Variants in LMBR1 observed in about 807,000 individuals in gnomAD.
LMBR1 encodes limb region 1 protein homolog.
In LMBR1, 52 loss-of-function variants were observed where a neutral mutation model predicts 73.9. The ratio of observed to expected loss-of-function variants is 0.70; its 90% CI spans 0.56 to 0.89. The LOEUF (loss-of-function observed/expected upper bound fraction) is 0.89. Among genes scored for constraint, LMBR1 ranks in the 40% least tolerant of loss-of-function variants. LMBR1 has a pLI of 0.00. For missense variants in LMBR1, 539 were observed against 579.8 expected (o/e 0.93, Z 0.72); for synonymous variants, 215 against 209.4 (o/e 1.03, Z -0.23).
Position 156,712,771 on chromosome 7 carries a change from T to C in LMBR1, c.1225+11341A>G, listed in dbSNP as rs1311408188. ...AAGTCAGATACAGAAAGACAAATGC[T>C]GTATGTTCTCAATTATAGATGGGAG... On this transcript the variant is annotated intron_variant, in intron 15 of 16. Coordinates refer to ENST00000353442, the MANE Select transcript of LMBR1 (RefSeq NM_022458.4). Among the ~76,000 whole-genome samples, 4 of 152,328 alleles carry C rather than the reference T, an allele frequency of 2.6e-5. No individual in the cohort carries two copies. In the East Asian group the frequency reaches 7.7e-4, roughly 29 times the overall value.
intron 9 of LMBR1, among the ~76,000 whole-genome samples, chr7:156,735,424 T>C (rs958712941): frequency 6.6e-6 from 1 of 152,028 alleles, no homozygotes; most frequent in African/African-American, 2.4e-5. Flanking sequence ...ATTCCTGTTT[T>C]CTGCTTGTTT....
At chr7:156,876,559 G>GT (rs1346935481) in intron 1 of LMBR1, among the ~76,000 whole-genome samples, 1 of 152,074 alleles carries the variant, frequency 6.6e-6, no homozygotes, top group African/African-American at 2.4e-5. Context: ...AAGACAGACC[G>GT]TATGATAGGA....
intron 4 of LMBR1, among the ~76,000 whole-genome samples, chr7:156,808,082 T>C (rs904829073): frequency 6.6e-6 from 1 of 152,154 alleles, no homozygotes; most frequent in Non-Finnish European, 1.5e-5. Context: ...GAAAAGAATA[T>C]GTATTCTATT....
rs1563223351 is a variant in LMBR1 at position 156,727,938 on chromosome 7, C to T, written c.985G>A (p.Gly329Arg). The stretch of plus-strand genomic sequence containing the variant: ...AAAGGATTTTACTTTACCCTTGTTC[C>T]TTTTGGCATTGCTGTTTCATCAACC... ...LLVDETAMPK[G>R]TRGPGIGNAS... The change falls in exon 12 of 17, where the codon GGA (glycine) becomes AGA (arginine). Residue 329 changes from glycine (G) to arginine (R), a missense_variant. This residue lies in a region of LMBR1 where 454 missense variants were observed against 473.4 expected (regional missense o/e 0.96). Coordinates refer to ENST00000353442, the MANE Select transcript of LMBR1 (RefSeq NM_022458.4). The T allele has an allele frequency of 6.2e-7, 1 of 1,611,780 alleles. No individual in the cohort carries two copies. The highest frequency in any genetic ancestry group is 1.1e-5 in the South Asian group (1 of 90,918).
chr7:156,769,480 G>A (rs1824774950), intron 5 of LMBR1, among the ~76,000 whole-genome samples: 1 of 152,174 alleles, frequency 6.6e-6, no homozygotes, highest in African/African-American at 2.4e-5. Flanking sequence ...CACCAGATCT[G>A]AAGGTCTTTT....
At chr7:156,675,196 T>C (rs1181858415), downstream of LMBR1, among the ~76,000 whole-genome samples, 2 of 151,986 alleles carry the variant, frequency 1.3e-5, no homozygotes, top group Non-Finnish European at 2.9e-5. Context: ...CTATGCTAGG[T>C]TGGATGAGGA....
At chr7:156,803,332 G>A (rs890358866) in intron 4 of LMBR1, among the ~76,000 whole-genome samples, 7 of 151,670 alleles carry the variant, frequency 4.6e-5, no homozygotes, top group African/African-American at 1.7e-4. Flanking sequence ...CCATCAAAAA[G>A]TGGGCGAAGG....
chr7:156,763,188 A>G lies in LMBR1; in HGVS notation c.551-12T>C. On this transcript the variant is annotated splice_polypyrimidine_tract_variant and intron_variant, in intron 6 of 16. Transcript: ENST00000353442. The stretch of plus-strand genomic sequence containing the variant: ...GAACTCCCAGAGATCTATTAAAAAA[A>G]AGTAAATATATTTTAATAAATCCAA... 5 of 1,168,270 alleles carry G rather than the reference A, an allele frequency of 4.3e-6. No individual in the cohort carries two copies. Among genetic ancestry groups the G allele is most frequent in the Non-Finnish European group, 6.1e-6 (5 of 814,164 alleles). The allele number at this position is 1,168,270 out of a possible 1,614,324, so 72.4% of individuals were successfully genotyped here. A position where few individuals can be genotyped will look rare whatever the true frequency, so the allele number is the denominator to read the frequency against.
At chr7:156,750,280 G>A (rs1297566489) in intron 9 of LMBR1, among the ~76,000 whole-genome samples, 1 of 147,260 alleles carries the variant, frequency 6.8e-6, no homozygotes, top group Non-Finnish European at 1.5e-5. Flanking sequence ...CATGTTAAGT[G>A]TGCGTGTGTG....
chr7:156,838,469 G>C (rs766264832), intron 1 of LMBR1, among the ~76,000 whole-genome samples: 1 of 152,100 alleles, frequency 6.6e-6, no homozygotes, highest in Non-Finnish European at 1.5e-5. Context: ...TGAAGTATTT[G>C]TCTTTCTGTG....
intron 1 of LMBR1, among the ~76,000 whole-genome samples, chr7:156,869,816 G>A (rs1799000580): frequency 6.6e-6 from 1 of 152,162 alleles, no homozygotes; most frequent in African/African-American, 2.4e-5. Context: ...GATATTCCAT[G>A]CAAATAGTAA....
chr7:156,892,846 CGGGGACCG>C, intron 1 of LMBR1, 74 bp downstream of exon 1: 1 of 685,688 alleles, frequency 1.5e-6, no homozygotes, highest in Non-Finnish European at 1.9e-6. Context: ...GTGAGGGGTC[CGGGGACCG>C]GGGGCCCGGG....
At chr7:156,867,520 C>A (rs1317829462) in intron 1 of LMBR1, among the ~76,000 whole-genome samples, 1 of 152,164 alleles carries the variant, frequency 6.6e-6, no homozygotes, top group Non-Finnish European at 1.5e-5. Flanking sequence ...AGGTCCATCA[C>A]CTGATGAATA....
At chr7:156,871,751 G>A (rs1799320615) in intron 1 of LMBR1, among the ~76,000 whole-genome samples, 1 of 152,114 alleles carries the variant, frequency 6.6e-6, no homozygotes, top group Non-Finnish European at 1.5e-5. Flanking sequence ...CCCTTTCATG[G>A]TAAAAACTGT....
At chr7:156,817,702 A>G (rs1834142884) in intron 4 of LMBR1, among the ~76,000 whole-genome samples, 1 of 152,212 alleles carries the variant, frequency 6.6e-6, no homozygotes, top group Non-Finnish European at 1.5e-5. Context: ...CACCAAATGC[A>G]ATGTAAATAC....
intron 3 of LMBR1, among the ~76,000 whole-genome samples, chr7:156,829,052 C>T (rs1586079611): frequency 6.6e-6 from 1 of 152,140 alleles, no homozygotes; most frequent in Non-Finnish European, 1.5e-5. Context: ...AAAAATCAAA[C>T]GTTTAGCCAA....
rs10234525 is a variant in LMBR1 at position 156,684,370 on chromosome 7, A to G, written c.1388-207T>C. 0.17 allele frequency among the ~76,000 whole-genome samples: 26,238 copies of G among 152,052 alleles called. 2,793 individuals carry two copies. The highest frequency in any genetic ancestry group is 0.31 in the African/African-American group (12,717 of 41,424). On this transcript the variant is annotated intron_variant, in intron 16 of 16. Transcript: ENST00000353442. ...ATGGCCTAAGCTGAAGACTGCTGCA[A>G]GGCGGAAGTCCTGCCCCTTCCAGGA...
chr7:156,689,725 G>A (rs1398327009), intron 15 of LMBR1, among the ~76,000 whole-genome samples: 6 of 152,122 alleles, frequency 3.9e-5, no homozygotes, highest in Non-Finnish European at 8.8e-5. Context: ...GACACCAGAA[G>A]AGTACACAGC....
In LMBR1 at chr7:156,680,607, A is replaced by G. The variant is rs1210256077; in HGVS notation, c.*3471T>C. The G allele has an allele frequency of 6.5e-6, 1 of 153,078 alleles. No individual in the cohort carries two copies. Among genetic ancestry groups the G allele is most frequent in the African/African-American group, 2.4e-5 (1 of 41,462 alleles). 9.5% of individuals were successfully genotyped at this position (153,078 alleles called of 1,614,324 possible). A position where few individuals can be genotyped will look rare whatever the true frequency, so the allele number is the denominator to read the frequency against. On this transcript the variant is annotated 3_prime_UTR_variant, in exon 17 of 17. Transcript: ENST00000353442. The stretch of plus-strand genomic sequence containing the variant: ...GGAAAAAATTAGAGAAATCAAGTCT[A>G]AATAATTCAAGTAATTAAATAAAAT...
Sources: gnomAD v4.1 joint callset for allele counts (sites outside exome capture counted in the v4.1 genomes callset) on GRCh38, gnomAD v4.1.1 for gene constraint, gnomAD v4.1.1 regional missense constraint, MANE v1.5 for transcripts, NCBI Gene and HGNC (gene_info 2026-07-23, HGNC 2026-07-21) for gene names.